Variants in NAV2 observed in about 807,000 individuals in gnomAD.
NAV2 encodes the protein neuron navigator 2.
NAV2 carries 54 observed loss-of-function variants against 223.2 expected under a neutral mutation model. The ratio of observed to expected loss-of-function variants is 0.24; its 90% CI spans 0.19 to 0.30. NAV2 has a LOEUF of 0.30. Among genes scored for constraint, NAV2 ranks in the 10% least tolerant of loss-of-function variants. NAV2 has a pLI of 1.00. For synonymous variants in NAV2, 1,279 were observed against 1,239.3 expected (o/e 1.03, Z -0.67); for missense variants, 2,806 against 3,147.5 (o/e 0.89, Z 2.60).
intron 11 of NAV2, among the ~76,000 whole-genome samples, chr11:20,023,379 A>T (rs1232744228): frequency 6.6e-6 from 1 of 152,102 alleles, no homozygotes; most frequent in Admixed American, 6.6e-5. Flanking sequence ...GTTTCAGAGG[A>T]AACTGGGGCA....
chr11:19,875,820 G>A (rs971050867), intron 4 of NAV2, among the ~76,000 whole-genome samples: 6 of 152,086 alleles, frequency 3.9e-5, no homozygotes, highest in Non-Finnish European at 5.9e-5. Context: ...TAGATCATTC[G>A]TGGTTTTCCT....
intron 1 of NAV2, among the ~76,000 whole-genome samples, chr11:19,789,552 T>C (rs201258319): frequency 6.6e-6 from 1 of 152,212 alleles, no homozygotes; most frequent in East Asian, 1.9e-4. Flanking sequence ...TTGACTTGAA[T>C]CAAAGCACTT....
At chr11:19,929,165 A>G (rs1489203723) in intron 6 of NAV2, among the ~76,000 whole-genome samples, 4 of 152,150 alleles carry the variant, frequency 2.6e-5, no homozygotes, top group African/African-American at 9.7e-5. Context: ...AAGCTGGAGA[A>G]TCACTTCAGC....
intron 1 of NAV2, among the ~76,000 whole-genome samples, chr11:19,663,071 T>TC (rs150547811): frequency 0.042 from 6,339 of 152,034 alleles, 172 homozygotes; most frequent in Middle Eastern, 0.075. Context: ...ACTGACCCTT[T>TC]CCCCCCAACC....
chr11:19,666,506 G>A (rs186277949), intron 1 of NAV2, among the ~76,000 whole-genome samples: 1 of 152,152 alleles, frequency 6.6e-6, no homozygotes. Context: ...GGCCTCAAGT[G>A]TGGGTGGCCT....
intron 1 of NAV2, among the ~76,000 whole-genome samples, chr11:19,647,201 G>A (rs753180936): frequency 6.6e-6 from 1 of 152,152 alleles, no homozygotes; most frequent in Non-Finnish European, 1.5e-5. Context: ...GAGCGCACAT[G>A]TGCCTACATA....
At chr11:19,440,757 T>C (rs1385555292) in intron 1 of NAV2, among the ~76,000 whole-genome samples, 1 of 152,184 alleles carries the variant, frequency 6.6e-6, no homozygotes, top group Non-Finnish European at 1.5e-5. Flanking sequence ...TTCAGTGAAC[T>C]CTAGGTGATT....
At chr11:20,066,952 C>T (rs1405494883) in intron 20 of NAV2, among the ~76,000 whole-genome samples, 1 of 152,118 alleles carries the variant, frequency 6.6e-6, no homozygotes, top group Non-Finnish European at 1.5e-5. Flanking sequence ...CCTGTGGGAA[C>T]CAGAGGAGAG....
At chr11:19,656,791 C>T (rs114216656) in intron 1 of NAV2, among the ~76,000 whole-genome samples, 1,894 of 152,164 alleles carry the variant, frequency 0.012, 47 homozygotes, top group African/African-American at 0.043. Flanking sequence ...TGGACTGAGA[C>T]GGTAGCCACA....
chr11:19,843,732 T>C (rs1709783913), intron 3 of NAV2, among the ~76,000 whole-genome samples: 1 of 150,212 alleles, frequency 6.7e-6, no homozygotes, highest in South Asian at 2.1e-4. Context: ...TATTTTTTGC[T>C]GGATGTTCAT....
intron 1 of NAV2, among the ~76,000 whole-genome samples, chr11:19,516,060 G>A (rs1031247679): frequency 7.2e-5 from 11 of 152,234 alleles, no homozygotes; most frequent in African/African-American, 2.7e-4. Context: ...CAAATAGGCA[G>A]CTGGAGTTAT....
At chr11:19,518,628 C>A (rs779604799) in intron 1 of NAV2, 2 of 152,200 alleles carry the variant, frequency 1.3e-5, no homozygotes, top group Admixed American at 6.5e-5. Flanking sequence ...TTAGTTCATT[C>A]GCTTGATCAT....
intron 1 of NAV2, among the ~76,000 whole-genome samples, chr11:19,811,842 A>C (rs955154829): frequency 6.6e-6 from 1 of 152,212 alleles, no homozygotes; most frequent in Non-Finnish European, 1.5e-5. Context: ...GCAGTCAAAA[A>C]AAATATTTAT....
chr11:19,412,437 T>A (rs1850184426), intron 1 of NAV2, among the ~76,000 whole-genome samples: 1 of 151,624 alleles, frequency 6.6e-6, no homozygotes, highest in Non-Finnish European at 1.5e-5. Context: ...GGCTTATAGA[T>A]AAAACTCCCA....
intron 35 of NAV2, 197 bp from the exon 36 acceptor site, chr11:20,107,467 A>ATCTCCCTCCT: frequency 1.7e-6 from 1 of 594,556 alleles, no homozygotes; most frequent in South Asian, 2.3e-5. Context: ...GGAGACCCCC[A>ATCTCCCTCCT]GGTGGAATCA....
chr11:19,406,215 A>G (rs1402852103), intron 1 of NAV2, among the ~76,000 whole-genome samples: 1 of 152,126 alleles, frequency 6.6e-6, no homozygotes, highest in East Asian at 1.9e-4. Flanking sequence ...GTGGGAGCAC[A>G]CACTGTGGAC....
At chr11:19,368,891 G>C (rs1848378056) in intron 1 of NAV2, among the ~76,000 whole-genome samples, 1 of 152,202 alleles carries the variant, frequency 6.6e-6, no homozygotes, top group Admixed American at 6.5e-5. Context: ...ACATGGCTCA[G>C]ATTAACGTTC....
chr11:19,912,279 A>T (rs953777682), intron 6 of NAV2, among the ~76,000 whole-genome samples: 1 of 152,204 alleles, frequency 6.6e-6, no homozygotes, highest in African/African-American at 2.4e-5. Context: ...AATAAGAGCA[A>T]AAAAGTGATT....
intron 24 of NAV2, among the ~76,000 whole-genome samples, chr11:20,078,756 C>A (rs562077328): frequency 6.6e-6 from 1 of 152,302 alleles, no homozygotes; most frequent in South Asian, 2.1e-4. Flanking sequence ...CCATGCCCAG[C>A]CTAGGAAAAC....
Sources: allele counts gnomAD v4.1 joint callset (sites outside exome capture counted in the v4.1 genomes callset), GRCh38; gene constraint gnomAD v4.1.1; transcripts MANE v1.5; gene names NCBI Gene and HGNC (gene_info 2026-07-23, HGNC 2026-07-21).